SCFD2: variants seen among roughly 807,000 people sequenced by gnomAD.
SCFD2 encodes the protein sec1 family domain-containing protein 2.
In SCFD2, 54 loss-of-function variants were observed where a neutral mutation model predicts 58.9. The ratio of observed to expected loss-of-function variants is 0.92; its 90% CI spans 0.74 to 1.15. The LOEUF is 1.15. Among genes scored for constraint, SCFD2 ranks in the 50% most tolerant of loss-of-function variants. The pLI, the probability that SCFD2 is intolerant of heterozygous loss-of-function variation, is 0.00. For missense variants in SCFD2, 805 were observed against 836.6 expected (o/e 0.96, Z 0.47); for synonymous variants, 321 against 335.9 (o/e 0.96, Z 0.49).
intron 7 of SCFD2, among the ~76,000 whole-genome samples, chr4:52,905,309 C>T (rs1719318698): frequency 6.6e-6 from 1 of 152,158 alleles, no homozygotes; most frequent in African/African-American, 2.4e-5. Flanking sequence ...TTGTTCAAAC[C>T]CCAACACATA....
intron 4 of SCFD2, among the ~76,000 whole-genome samples, chr4:53,189,312 C>A (rs74880736): frequency 1.4e-3 from 218 of 152,280 alleles, no homozygotes; most frequent in African/African-American, 4.9e-3. Flanking sequence ...ATGCCTGAAG[C>A]TATTCATCAC....
At chr4:52,876,474 G>A (rs1166757385) in intron 8 of SCFD2, among the ~76,000 whole-genome samples, 1 of 151,922 alleles carries the variant, frequency 6.6e-6, no homozygotes, top group Non-Finnish European at 1.5e-5. Flanking sequence ...TTCGAACTGG[G>A]TGCGGTGGCT....
At chr4:52,878,586 C>G (rs868223606) in intron 8 of SCFD2, among the ~76,000 whole-genome samples, 1 of 151,976 alleles carries the variant, frequency 6.6e-6, no homozygotes, top group African/African-American at 2.4e-5. Context: ...CTAAGATCAC[C>G]CTAAAATTCT....
chr4:53,197,134 CCT>C (rs767708947), intron 4 of SCFD2, among the ~76,000 whole-genome samples: 47 of 152,120 alleles, frequency 3.1e-4, no homozygotes, highest in Non-Finnish European at 5.3e-4. Flanking sequence ...AGGAAAATTT[CCT>C]CTGTTTAACT....
chr4:53,292,714 G>C (rs535994950), intron 3 of SCFD2, among the ~76,000 whole-genome samples: 1 of 152,166 alleles, frequency 6.6e-6, no homozygotes, highest in African/African-American at 2.4e-5. Context: ...TATACCCAAA[G>C]GAATATAAAT....
At chr4:53,333,275 G>T (rs1471001125) in intron 2 of SCFD2, among the ~76,000 whole-genome samples, 1 of 149,838 alleles carries the variant, frequency 6.7e-6, no homozygotes, top group Admixed American at 6.7e-5. Flanking sequence ...AACCAAAAAA[G>T]AGCCCGCCAT....
chr4:52,875,848 A>G (rs111925967), intron 8 of SCFD2, among the ~76,000 whole-genome samples: 1 of 90,706 alleles, frequency 1.1e-5, no homozygotes, highest in South Asian at 3.7e-4. Context: ...ATATATATAT[A>G]TATATATAGT....
At chr4:53,321,428 A>G (rs966220282) in intron 2 of SCFD2, among the ~76,000 whole-genome samples, 14 of 152,086 alleles carry the variant, frequency 9.2e-5, no homozygotes, top group Non-Finnish European at 5.9e-5. Context: ...GCATGCAATT[A>G]AGAGATGAGG....
chr4:53,084,867 T>C (rs535283240), intron 5 of SCFD2, among the ~76,000 whole-genome samples: 1 of 152,306 alleles, frequency 6.6e-6, no homozygotes, highest in South Asian at 2.1e-4. Flanking sequence ...CTTAAAAAAC[T>C]GTATAGAAGG....
chr4:53,298,367 T>C (rs1278271967), intron 3 of SCFD2, among the ~76,000 whole-genome samples: 1 of 152,056 alleles, frequency 6.6e-6, no homozygotes, highest in Non-Finnish European at 1.5e-5. Flanking sequence ...CAGTCTGAGA[T>C]CAAACGGCAA....
At position 52,960,037 on chromosome 4, in the gene SCFD2, C is replaced by T. The variant is rs116112763; in HGVS notation, c.1562-39167G>A. 6.2e-3 allele frequency among the ~76,000 whole-genome samples: 946 copies of T among 152,256 alleles called. 9 individuals carry two copies. Among genetic ancestry groups the T allele is most frequent in the African/African-American group, 0.022 (905 of 41,536 alleles). On this transcript the variant is annotated intron_variant, in intron 5 of 8. Transcript: ENST00000401642. ...TAAGTAAGTTTTGTCACCTTGTCCACGGTCTTAATTTTTTCTCTGAATTTA... is the reference window on the plus strand; with the variant it reads ...TAAGTAAGTTTTGTCACCTTGTCCATGGTCTTAATTTTTTCTCTGAATTTA...
At position 53,138,060 on chromosome 4, in the gene SCFD2, G is replaced by A. The variant is rs559614715; in HGVS notation, c.1561+7273C>T. On this transcript the variant is annotated intron_variant, in intron 5 of 8. Coordinates refer to ENST00000401642, the MANE Select transcript of SCFD2 (RefSeq NM_152540.4). Reference sequence around the variant, plus strand: ...TTCTCATTGTCTATGCACATGATGAGAAAAGGGTGGGGAAGCACTACCCTA... The same window carrying A: ...TTCTCATTGTCTATGCACATGATGAAAAAAGGGTGGGGAAGCACTACCCTA... Among the ~76,000 whole-genome samples, 180 of 152,270 alleles carry A rather than the reference G, an allele frequency of 1.2e-3. 1 individual carries two copies. Among genetic ancestry groups the A allele is most frequent in the South Asian group, 5.4e-3 (26 of 4,816 alleles).
intron 8 of SCFD2, among the ~76,000 whole-genome samples, chr4:52,877,954 T>C (rs962996332): frequency 1.3e-5 from 2 of 152,166 alleles, no homozygotes; most frequent in African/African-American, 2.4e-5. Context: ...CCAGCCTCCC[T>C]AACTCCTCGC....
chr4:53,116,377 G>A (rs562541328), intron 5 of SCFD2, among the ~76,000 whole-genome samples: 1 of 152,142 alleles, frequency 6.6e-6, no homozygotes. Context: ...GTTTGCCATG[G>A]TAGGAAGAGG....
At chr4:53,363,563 G>C (rs1226418202) in intron 1 of SCFD2, among the ~76,000 whole-genome samples, 1 of 152,088 alleles carries the variant, frequency 6.6e-6, no homozygotes, top group South Asian at 2.1e-4. Flanking sequence ...AAAGGGCGCG[G>C]TGGCTCACGC....
At chr4:53,201,309 A>C (rs1473966445) in intron 4 of SCFD2, among the ~76,000 whole-genome samples, 3 of 152,066 alleles carry the variant, frequency 2.0e-5, no homozygotes, top group Non-Finnish European at 4.4e-5. Flanking sequence ...TTTGCTGAGA[A>C]TGGTGGTTTC....
chr4:53,165,104 T>C (rs1726968303), intron 4 of SCFD2, among the ~76,000 whole-genome samples: 1 of 152,210 alleles, frequency 6.6e-6, no homozygotes, highest in South Asian at 2.1e-4. Flanking sequence ...TGCTCCTGGA[T>C]TCCACCTACT....
intron 4 of SCFD2, among the ~76,000 whole-genome samples, chr4:53,216,565 C>G (rs187195380): frequency 1.3e-5 from 2 of 151,978 alleles, no homozygotes; most frequent in African/African-American, 4.8e-5. Context: ...TGCTAGCTGT[C>G]TATCAATTTT....
intron 5 of SCFD2, among the ~76,000 whole-genome samples, chr4:53,066,630 G>C (rs920893588): frequency 1.3e-5 from 2 of 151,992 alleles, no homozygotes; most frequent in Non-Finnish European, 2.9e-5. Context: ...GCTTTTTTTA[G>C]TGATCTGGGC....
Sources: allele counts gnomAD v4.1 joint callset (sites outside exome capture counted in the v4.1 genomes callset), GRCh38; gene constraint gnomAD v4.1.1; transcripts MANE v1.5; gene names NCBI Gene and HGNC (gene_info 2026-07-23, HGNC 2026-07-21).